DDAH1: variants seen among roughly 807,000 people sequenced by gnomAD.
DDAH1 encodes dimethylarginine dimethylaminohydrolase 1.
In DDAH1, 19 loss-of-function variants were observed where a neutral mutation model predicts 28.8. The ratio of observed to expected loss-of-function variants is 0.66; its 90% CI spans 0.46 to 0.97. The LOEUF (loss-of-function observed/expected upper bound fraction) is 0.97, where lower values mean the gene tolerates loss of function less well. DDAH1 is among the 50% of genes least tolerant of loss of function. The probability of loss-of-function intolerance (pLI) is 0.00; values close to 1 mark genes in which losing one functional copy is unlikely to be tolerated. For synonymous variants in DDAH1, 153 were observed against 154.4 expected (o/e 0.99, Z 0.07); for missense variants, 326 against 375.9 (o/e 0.87, Z 1.10).
intron 1 of DDAH1, among the ~76,000 whole-genome samples, chr1:85,576,094 A>T (rs1483581203): frequency 2.0e-5 from 3 of 151,320 alleles, no homozygotes; most frequent in Non-Finnish European, 4.4e-5. Context: ...AAAAAAAAGA[A>T]AAAAAAAAGA....
intron 1 of DDAH1, among the ~76,000 whole-genome samples, chr1:85,395,996 G>T (rs1651797466): frequency 6.6e-6 from 1 of 152,004 alleles, no homozygotes; most frequent in South Asian, 2.1e-4. Context: ...TTCTTTCTTA[G>T]GTCATTAATT....
chr1:85,326,523 G>C (rs904541126), intron 4 of DDAH1, among the ~76,000 whole-genome samples: 20 of 152,190 alleles, frequency 1.3e-4, no homozygotes, highest in Non-Finnish European at 1.8e-4. Context: ...TTCAAACCCA[G>C]ATCTGTGCAA....
intron 1 of DDAH1, chr1:85,576,886 C>G (rs962615939): frequency 6.5e-6 from 1 of 152,714 alleles, no homozygotes; most frequent in Non-Finnish European, 1.5e-5. Flanking sequence ...GAGGCCTGGG[C>G]GCGGGCCGCC....
chr1:85,372,822 T>G (rs140056707), intron 1 of DDAH1, among the ~76,000 whole-genome samples: 2,368 of 152,212 alleles, frequency 0.016, 24 homozygotes, highest in Non-Finnish European at 0.024. Flanking sequence ...ATTTACTGTC[T>G]TTTTCCTTGA....
At chr1:85,375,908 T>G (rs1650641242) in intron 1 of DDAH1, among the ~76,000 whole-genome samples, 1 of 152,134 alleles carries the variant, frequency 6.6e-6, no homozygotes. Flanking sequence ...GAAAAAACAT[T>G]CATTTCCACA....
chr1:85,469,795 G>C (rs184101054), upstream of DDAH1, among the ~76,000 whole-genome samples: 300 of 152,278 alleles, frequency 2.0e-3, no homozygotes, highest in Middle Eastern at 6.8e-3. Flanking sequence ...AGGAAATGGG[G>C]ATGTAATTAT....
chr1:85,327,588 A>C (rs1474944404), intron 4 of DDAH1, among the ~76,000 whole-genome samples: 1 of 152,234 alleles, frequency 6.6e-6, no homozygotes, highest in African/African-American at 2.4e-5. Flanking sequence ...AGGTCCAGGC[A>C]TAATGAGGTG....
intron 1 of DDAH1, among the ~76,000 whole-genome samples, chr1:85,548,622 C>T (rs2100792501): frequency 6.6e-6 from 1 of 152,264 alleles, no homozygotes; most frequent in Non-Finnish European, 1.5e-5. Context: ...GCCAGGTGCT[C>T]AGAAGTAAGG....
intron 4 of DDAH1, among the ~76,000 whole-genome samples, chr1:85,343,952 A>G (rs1648674612): frequency 6.6e-6 from 1 of 152,244 alleles, no homozygotes; most frequent in African/African-American, 2.4e-5. Context: ...GCTGTGTGCT[A>G]TGCAATTTAA....
chr1:85,404,654 T>C, intron 1 of DDAH1: 1 of 607,270 alleles, frequency 1.6e-6, no homozygotes. Flanking sequence ...AAGTATTTCT[T>C]TAAATTCCAC....
chr1:85,465,232 G>C (rs1655324438), upstream of DDAH1: 5 of 1,105,798 alleles, frequency 4.5e-6, no homozygotes, highest in African/African-American at 5.0e-5. Flanking sequence ...TCCGGGCGCC[G>C]GCCCGCGCGC....
intron 1 of DDAH1, among the ~76,000 whole-genome samples, chr1:85,401,618 G>C (rs1652111642): frequency 6.7e-6 from 1 of 150,048 alleles, no homozygotes; most frequent in African/African-American, 2.5e-5. Flanking sequence ...TCCCATCTCA[G>C]CCTCCCAAGT....
Position 85,321,563 on chromosome 1 carries a change from A to T in DDAH1, c.747T>A (p.Tyr249Ter). Reference protein sequence around the residue: ...PEEYPESAKVYEKLKDHMLIP... With the variant: ...PEEYPESAKV ...TCAGCATATGGTCCTTCAGTTTCTC[A>T]TAAACCTACAGTGGGAATCAAGGAA... The change falls in exon 6 of 6, where the codon TAT (tyrosine) becomes TAA (stop). Residue 249 changes from tyrosine to a stop codon, truncating the protein, a stop_gained. Transcript: ENST00000284031. LOFTEE classifies it high-confidence loss of function. The T allele has an allele frequency of 6.2e-7, 1 of 1,609,916 alleles. No individual in the cohort carries two copies. The highest frequency in any genetic ancestry group is 8.5e-7 in the Non-Finnish European group (1 of 1,176,168).
chr1:85,464,722 G>A lies in DDAH1; in HGVS notation c.303+21C>T. ...AGGGCCTGGCGCGCGCCCCGGCCGC[G>A]CCCCTCGAGTCGGCAGTTACCTCCT... is the stretch of plus-strand genomic sequence containing the variant. On this transcript the variant is annotated intron_variant, in intron 1 of 5. Coordinates refer to ENST00000284031, the MANE Select transcript of DDAH1 (RefSeq NM_012137.4). This position sits in a 1 kb window ranked among gnomAD's most constrained non-coding sequence, Gnocchi z 4.4. The A allele has an allele frequency of 6.8e-7, 1 of 1,466,714 alleles. No homozygotes were observed. The highest frequency in any genetic ancestry group is 8.9e-7 in the Non-Finnish European group (1 of 1,118,910). The allele number at this position is 1,466,714 out of a possible 1,614,324, so 90.9% of individuals were successfully genotyped here. A position where few individuals can be genotyped will look rare whatever the true frequency, so the allele number is the denominator to read the frequency against.
In DDAH1 at chr1:85,544,601, C is replaced by G. The variant is rs184227635; in HGVS notation, c.-123+33383G>C. 9.2e-5 allele frequency among the ~76,000 whole-genome samples: 14 copies of G among 152,216 alleles called. No individual in the cohort carries two copies. In the East Asian group the frequency reaches 2.5e-3, roughly 27 times the overall value. ...CTTAGGTGTGGTTTCATCCAGCCAG[C>G]CCTACCTATCTTAATCAGACTGACT... On this transcript the variant is annotated intron_variant, in intron 1 of 6. Transcript: ENST00000426972.
chr1:85,379,587 T>C, intron 1 of DDAH1: 1 of 985,216 alleles, frequency 1.0e-6, no homozygotes, highest in Non-Finnish European at 1.2e-6. Flanking sequence ...TTACATAACT[T>C]GTGAAAGAGT....
In DDAH1 at chr1:85,481,136, C is replaced by T. The variant is rs367779992; in HGVS notation, c.-7+15030G>A. The stretch of plus-strand genomic sequence containing the variant: ...TTTTTGAGATGGAGTCTTGCTTTGT[C>T]GCCCAAGCTGGTGTGTAGTGGTGCA... On this transcript the variant is annotated intron_variant, in intron 2 of 6. Coordinates refer to the DDAH1 transcript ENST00000426972. Among the ~76,000 whole-genome samples, 34 of 96,016 alleles carry T rather than the reference C, an allele frequency of 3.5e-4. No individual in the cohort carries two copies. In the East Asian group the frequency reaches 8.2e-3, roughly 23 times the overall value. 63.0% of individuals were successfully genotyped at this position (96,016 alleles called of 152,430 possible).
chr1:85,470,166 T>TA (rs1317001634), intron 2 of DDAH1, among the ~76,000 whole-genome samples: 1 of 152,192 alleles, frequency 6.6e-6, no homozygotes, highest in Non-Finnish European at 1.5e-5. Context: ...ACACTGCTGA[T>TA]AAAGACATAC....
intron 1 of DDAH1, among the ~76,000 whole-genome samples, chr1:85,413,116 C>T (rs1207137394): frequency 6.6e-6 from 1 of 152,234 alleles, no homozygotes; most frequent in East Asian, 1.9e-4. Flanking sequence ...CAGGCTGCTA[C>T]ATGACTATTA....
Sources: allele counts gnomAD v4.1 joint callset (sites outside exome capture counted in the v4.1 genomes callset), GRCh38; gene constraint gnomAD v4.1.1; non-coding constraint Gnocchi (gnomAD v3.1); transcripts MANE v1.5; gene names NCBI Gene and HGNC (gene_info 2026-07-23, HGNC 2026-07-21).